Variants in DLEC1 observed in about 807,000 individuals in gnomAD.
The protein encoded by DLEC1 is DLEC1 cilia and flagella associated protein.
DLEC1 carries 146 observed loss-of-function variants against 198.1 expected under a neutral mutation model. That is an observed-to-expected ratio of 0.74 (90% confidence interval 0.64 to 0.85). DLEC1 has a LOEUF of 0.85. DLEC1 is among the 40% of genes least tolerant of loss of function. The pLI is 0.00. For missense variants in DLEC1, 2,233 were observed against 2,220.0 expected, an observed-to-expected ratio of 1.01 and a Z score of -0.12; for synonymous variants, 897 against 866.8, an observed-to-expected ratio of 1.03 and a Z score of -0.61.
At chr3:38,115,883 A>T (rs747976807) in intron 27 of DLEC1, among the ~76,000 whole-genome samples, 1 of 151,852 alleles carries the variant, frequency 6.6e-6, no homozygotes, top group African/African-American at 2.4e-5. Context: ...TTGGGGACAG[A>T]TTGATGGGGG....
chr3:38,086,276 G>A lies in DLEC1; in HGVS notation c.1471G>A (p.Gly491Arg). The A allele has an allele frequency of 6.2e-7, 1 of 1,612,684 alleles. No homozygotes were observed. ...GTTGGACTGTGGTTACTGCCTCATT[G>A]GGGGAGTCAAGATGACCAGATTCAT... is the stretch of plus-strand genomic sequence containing the variant. Reference protein sequence around the residue: ...PVLDCGYCLIGGVKMTRFICK... With the variant: ...PVLDCGYCLIRGVKMTRFICK... The change falls in exon 9 of 37, where the codon GGG (glycine) becomes AGG (arginine). Residue 491 changes from glycine to arginine, a missense_variant. Gly to Arg is a moderately radical substitution (Grantham distance 125, BLOSUM62 -2). Coordinates refer to ENST00000308059, the MANE Select transcript of DLEC1 (RefSeq NM_007335.4).
intron 34 of DLEC1, 82 bp downstream of exon 34, chr3:38,120,691 C>T (rs1358131933): frequency 7.1e-6 from 11 of 1,558,374 alleles, no homozygotes; most frequent in East Asian, 4.5e-5. Context: ...GAGGAAAGAC[C>T]TAGCAGGGCC....
At chr3:38,053,179 G>A (rs893683583) in intron 2 of DLEC1, among the ~76,000 whole-genome samples, 2 of 152,234 alleles carry the variant, frequency 1.3e-5, no homozygotes, top group Non-Finnish European at 2.9e-5. Flanking sequence ...GCCTCCCAAA[G>A]TGCCGAGATT....
rs1700583876 is a variant in DLEC1 at position 38,123,347 on chromosome 3, T to C, written c.*935T>C. On this transcript the variant is annotated 3_prime_UTR_variant, in exon 37 of 37. Coordinates refer to ENST00000308059, the MANE Select transcript of DLEC1 (RefSeq NM_007335.4). Reference sequence around the variant, plus strand: ...TGGCCCTTAAGGAAAACAGGGATCATGCCCCTACATCCTAAGTTCAGGGTG... The same window carrying C: ...TGGCCCTTAAGGAAAACAGGGATCACGCCCCTACATCCTAAGTTCAGGGTG... 3.6e-6 allele frequency: 2 copies of C among 555,790 alleles called. No individual in the cohort carries two copies. Among genetic ancestry groups the C allele is most frequent in the Non-Finnish European group, 6.5e-6 (2 of 309,412 alleles). 34.4% of individuals were successfully genotyped at this position (555,790 alleles called of 1,614,324 possible). A position where few individuals can be genotyped will look rare whatever the true frequency, so the allele number is the denominator to read the frequency against.
At chr3:38,084,417 G>T (rs1698267636) in intron 7 of DLEC1, among the ~76,000 whole-genome samples, 172 bp downstream of exon 7, 2 of 149,986 alleles carry the variant, frequency 1.3e-5, no homozygotes, top group Admixed American at 6.7e-5. Flanking sequence ...GGTGGTAGTA[G>T]TAGTGGTAGT....
chr3:38,119,600 C>T (rs563657708), intron 33 of DLEC1, among the ~76,000 whole-genome samples: 6 of 151,814 alleles, frequency 4.0e-5, no homozygotes, highest in Admixed American at 1.3e-4. Flanking sequence ...AGTGCAGTGG[C>T]GTGATCATGG....
chr3:38,115,128 G>C, intron 27 of DLEC1, 75 bp downstream of exon 27: 1 of 1,563,874 alleles, frequency 6.4e-7, no homozygotes, highest in Non-Finnish European at 8.8e-7. Flanking sequence ...GGGAGGGAAG[G>C]TGGGAGGGAA....
rs551103158 is a variant in DLEC1, at chr3:38,062,519, A to G, written c.874-62A>G. The stretch of plus-strand genomic sequence containing the variant: ...CATCTATGGGTCATGCAGTTGGTCA[A>G]GATGTCAACAAGCACAATCCCTTTG... On this transcript the variant is annotated intron_variant, in intron 4 of 36. Transcript: ENST00000308059. 5.1e-5 allele frequency: 82 copies of G among 1,598,438 alleles called. No homozygotes were observed. The East Asian group carries it at 1.5e-3, about 30-fold the overall frequency.
rs183167724 is a variant in DLEC1 at position 38,109,614 on chromosome 3, A to G, written c.3260+52A>G. ...GTGGCAGTGGACTGAGGAATGAGGCAGCCGCGCCCAGGACCAGCACGGCAC... is the reference window on the plus strand; with the variant it reads ...GTGGCAGTGGACTGAGGAATGAGGCGGCCGCGCCCAGGACCAGCACGGCAC... On this transcript the variant is annotated intron_variant, in intron 22 of 36. Coordinates refer to ENST00000308059, the MANE Select transcript of DLEC1 (RefSeq NM_007335.4). 296 of 1,610,968 alleles carry G rather than the reference A, an allele frequency of 1.8e-4. No homozygotes were observed. In the Middle Eastern group the frequency reaches 2.6e-3, roughly 14 times the overall value.
At chr3:38,111,996 CCCAG>C (rs1260199813) in intron 24 of DLEC1, among the ~76,000 whole-genome samples, 11 of 152,160 alleles carry the variant, frequency 7.2e-5, no homozygotes, top group African/African-American at 2.7e-4. Flanking sequence ...CCCATGGGGA[CCCAG>C]CCTCTCAGGG....
In DLEC1 at chr3:38,090,422, T is replaced by C. The variant is rs151217655; in HGVS notation, c.1665+2034T>C. ...ACTCTATACTCTGTTCTTTGCCTTG[T>C]GTTTTCTACTTAACTCTATATCTTA... is the stretch of plus-strand genomic sequence containing the variant. On this transcript the variant is annotated intron_variant, in intron 10 of 36. Transcript: ENST00000308059. Among the ~76,000 whole-genome samples, 741 of 152,352 alleles carry C rather than the reference T, an allele frequency of 4.9e-3. 8 individuals are homozygous for C. Among genetic ancestry groups the C allele is most frequent in the African/African-American group, 0.016 (667 of 41,586 alleles).
At chr3:38,094,562 C>T (rs569189481) in intron 12 of DLEC1, among the ~76,000 whole-genome samples, 1 of 152,288 alleles carries the variant, frequency 6.6e-6, no homozygotes, top group African/African-American at 2.4e-5. Context: ...TGATGTATAG[C>T]CTCTTCCACT....
At chr3:38,046,969 A>G (rs1266060915) in intron 2 of DLEC1, among the ~76,000 whole-genome samples, 1 of 152,204 alleles carries the variant, frequency 6.6e-6, no homozygotes, top group East Asian at 1.9e-4. Flanking sequence ...CCCCATGACC[A>G]GACTTAGGCA....
intron 10 of DLEC1, 43 bp downstream of exon 10, chr3:38,088,431 A>G (rs770224278): frequency 1.9e-6 from 3 of 1,563,898 alleles, no homozygotes; most frequent in Non-Finnish European, 1.8e-6. Context: ...AACTGCTTGC[A>G]TGCTTGCATT....
chr3:38,111,265 T>C (rs1254930465), intron 23 of DLEC1, among the ~76,000 whole-genome samples: 1 of 152,222 alleles, frequency 6.6e-6, no homozygotes, highest in Non-Finnish European at 1.5e-5. Context: ...AAAGCTAGTG[T>C]GTACCCAATG....
Position 38,122,170 on chromosome 3 carries a change from C to T in DLEC1, c.5120C>T (p.Ala1707Val). ...RSANAPPTSI[A>V]LQVFFTARSS... ...GCCAATGCACCCCCAACCTCCATCG[C>T]CTTGCAGGTTTTCTTCACTGCCAGG... Residue 1707 changes from alanine to valine, a missense_variant, in exon 36 of 37, where the codon GCC becomes GTC. Coordinates refer to ENST00000308059, the MANE Select transcript of DLEC1 (RefSeq NM_007335.4). 6.2e-7 allele frequency: 1 copy of T among 1,614,134 alleles called. No homozygotes were observed. The highest frequency in any genetic ancestry group is 8.5e-7 in the Non-Finnish European group (1 of 1,179,994).
intron 18 of DLEC1, among the ~76,000 whole-genome samples, chr3:38,099,369 C>T (rs373506023): frequency 2.6e-5 from 4 of 152,300 alleles, no homozygotes; most frequent in African/African-American, 9.6e-5. Flanking sequence ...GGTGTTCTCC[C>T]ACTGTGAAGA....
rs955730603 is a variant in DLEC1, at chr3:38,098,343, G to C, written c.2724+441G>C. Among the ~76,000 whole-genome samples the C allele has an allele frequency of 6.6e-5, 10 of 152,198 alleles. No individual in the cohort carries two copies. In the Middle Eastern group the frequency reaches 0.01, roughly 155 times the overall value. The stretch of plus-strand genomic sequence containing the variant: ...TCACAGGCTGGCAGCCCAAACCCAA[G>C]GCTCCAAAAAGAAAATTCAAGATTT... On this transcript the variant is annotated intron_variant, in intron 18 of 36. Coordinates refer to ENST00000308059, the MANE Select transcript of DLEC1 (RefSeq NM_007335.4).
intron 19 of DLEC1, chr3:38,103,168 G>T (rs1435018366): frequency 6.6e-6 from 1 of 152,184 alleles, no homozygotes; most frequent in Non-Finnish European, 1.5e-5. Context: ...AGTCTCCGTT[G>T]TCTATCATTC....
Sources: allele counts gnomAD v4.1 joint callset (sites outside exome capture counted in the v4.1 genomes callset), GRCh38; gene constraint gnomAD v4.1.1; transcripts MANE v1.5; gene names NCBI Gene and HGNC (gene_info 2026-07-23, HGNC 2026-07-21).